The following ACADVL variants were observed in gnomAD, a reference collection of about 807,000 sequenced individuals.
The protein encoded by ACADVL is acyl-CoA dehydrogenase very long chain.
In ACADVL, 73 loss-of-function variants were observed where a neutral mutation model predicts 80.4. The observed-to-expected ratio is 0.91, with a 90% CI of 0.75 to 1.10. The LOEUF (loss-of-function observed/expected upper bound fraction) is 1.10, where lower values mean the gene tolerates loss of function less well. Among genes scored for constraint, ACADVL ranks in the 50% least tolerant of loss-of-function variants. The pLI, the probability that ACADVL is intolerant of heterozygous loss-of-function variation, is 0.00. For missense variants in ACADVL, 878 were observed against 858.9 expected (o/e 1.02, Z -0.28); for synonymous variants, 392 against 326.5 (o/e 1.20, Z -2.16).
At chr17:7,217,208 TC>T, upstream of ACADVL, 1 of 1,256,938 alleles carries the variant, frequency 8.0e-7, no homozygotes, top group South Asian at 3.5e-5. Flanking sequence ...GTTTCGTTCC[TC>T]CCCTCCGTGG....
chr17:7,220,257 C>T, intron 2 of ACADVL, 60 bp downstream of exon 2: 1 of 1,508,924 alleles, frequency 6.6e-7, no homozygotes, highest in Non-Finnish European at 8.9e-7. Context: ...CGGCGCCCGC[C>T]ATCGGCAGGG....
rs1443858679 is a variant in ACADVL at position 7,221,321 on chromosome 17, G to A, written c.478-217G>A. The A allele has an allele frequency of 7.5e-6, 7 of 932,300 alleles. No individual in the cohort carries two copies. The African/African-American group carries it at 8.2e-5, about 11-fold the overall frequency. 57.8% of individuals were successfully genotyped at this position (932,300 alleles called of 1,614,324 possible). A position where few individuals can be genotyped will look rare whatever the true frequency, so the allele number is the denominator to read the frequency against. On this transcript the variant is annotated intron_variant, in intron 6 of 19. Coordinates refer to ENST00000356839, the MANE Select transcript of ACADVL (RefSeq NM_000018.4). ...CTAACAATAGACTGACTAGTAGCAA[G>A]TCACCCTCCTACCTAGACCTAAGAC...
chr17:7,219,630 C>T (rs577538299), upstream of ACADVL: 29 of 1,231,594 alleles, frequency 2.4e-5, no homozygotes, highest in Admixed American at 2.5e-4. Flanking sequence ...CTAACCCCAC[C>T]GGAGAAGCCC....
At chr17:7,221,834 A>G in intron 7 of ACADVL, 118 bp from the exon 8 acceptor site, 1 of 1,592,278 alleles carries the variant, frequency 6.3e-7, no homozygotes, top group Non-Finnish European at 8.6e-7. Flanking sequence ...GGACATGCAA[A>G]AGAACTGGAT....
chr17:7,221,825 G>A, intron 7 of ACADVL, 127 bp from the exon 8 acceptor site: 1 of 1,589,174 alleles, frequency 6.3e-7, no homozygotes, highest in African/African-American at 1.3e-5. Context: ...TGCTGGTTGG[G>A]ACATGCAAAA....
At chr17:7,224,297 A>C (rs2071370565) in intron 15 of ACADVL, 24 bp from the exon 16 acceptor site, 1 of 1,613,656 alleles carries the variant, frequency 6.2e-7, no homozygotes, top group Admixed American at 1.7e-5. Flanking sequence ...GCAACTAACC[A>C]GTCATTCTCC....
upstream of ACADVL, chr17:7,218,539 AC>A: frequency 6.4e-7 from 1 of 1,557,688 alleles, no homozygotes; most frequent in Non-Finnish European, 8.7e-7. Flanking sequence ...CGGGCTACTC[AC>A]CCAGCAAGGC....
intron 6 of ACADVL, 143 bp from the exon 7 acceptor site, chr17:7,221,395 C>T (rs948642794): frequency 9.9e-6 from 14 of 1,413,918 alleles, no homozygotes; most frequent in Non-Finnish European, 1.4e-5. Context: ...TTCTTTTCTA[C>T]ACACTGGGGA....
chr17:7,224,009 C>T lies in ACADVL; in HGVS notation c.1374C>T (p.Phe458=). 6.2e-7 allele frequency: 1 copy of T among 1,614,138 alleles called. No homozygotes were observed. The highest frequency in any genetic ancestry group is 8.5e-7 in the Non-Finnish European group (1 of 1,180,030). ...GTGTGCTCCGAGATCTTCGCATCTT[C>T]CGGATCTTTGAGGGGACAAATGACA... ...VERVLRDLRI[F]RIFEGTNDIL... The change falls in exon 14 of 20, where the codon TTC becomes TTT. Residue 458 remains phenylalanine (F), a synonymous_variant. Coordinates refer to ENST00000356839, the MANE Select transcript of ACADVL (RefSeq NM_000018.4).
At chr17:7,220,075 C>G (rs1168146787) in intron 1 of ACADVL, 29 bp downstream of exon 1, 1 of 1,598,422 alleles carries the variant, frequency 6.3e-7, no homozygotes, top group Non-Finnish European at 8.5e-7. Context: ...GGACGGTGGG[C>G]AGCGGCCCTG....
intron 2 of ACADVL, 89 bp from the exon 3 acceptor site, chr17:7,220,375 G>T: frequency 4.4e-6 from 7 of 1,593,550 alleles, no homozygotes; most frequent in Non-Finnish European, 5.2e-6. Flanking sequence ...TCACCGCTTC[G>T]CGCCGCCTCC....
At chr17:7,217,513 G>T (rs1203533525), upstream of ACADVL, 4 of 256,870 alleles carry the variant, frequency 1.6e-5, no homozygotes, top group Non-Finnish European at 2.2e-5. Context: ...GGTAGGGGGG[G>T]GTCTTGCCAA....
At chr17:7,217,725 T>G, upstream of ACADVL, 1 of 1,531,494 alleles carries the variant, frequency 6.5e-7, no homozygotes, top group Non-Finnish European at 8.7e-7. Flanking sequence ...GGAACCCGGA[T>G]AATGGGAAAG....
At position 7,221,116 on chromosome 17, in the gene ACADVL, C is replaced by T. The variant is rs2071193334; in HGVS notation, c.477+58C>T. On this transcript the variant is annotated intron_variant, in intron 6 of 19. Transcript: ENST00000356839. ...CCATACCCCAGCTTGGCAGACTCAG[C>T]TCTTTTGCCATAGACCTAGAGACTA... 4.3e-6 allele frequency: 7 copies of T among 1,610,464 alleles called. No individual in the cohort carries two copies. The South Asian group carries it at 5.5e-5, about 13-fold the overall frequency.
upstream of ACADVL, chr17:7,217,397 C>T (rs1337726818): frequency 2.0e-5 from 6 of 301,800 alleles, no homozygotes; most frequent in Admixed American, 8.7e-5. Flanking sequence ...GAGCACACCC[C>T]GATTCTCAGG....
chr17:7,221,336 A>T (rs986300365), intron 6 of ACADVL: 3 of 982,640 alleles, frequency 3.1e-6, no homozygotes, highest in Non-Finnish European at 4.6e-6. Context: ...CCTCCTACCT[A>T]GACCTAAGAC....
chr17:7,221,360 C>T, intron 6 of ACADVL, 178 bp from the exon 7 acceptor site: 1 of 1,145,344 alleles, frequency 8.7e-7, no homozygotes, highest in Admixed American at 1.9e-5. Context: ...CCAGCATTCT[C>T]TGCTGTGCCC....
intron 13 of ACADVL, 34 bp downstream of exon 13, chr17:7,223,909 G>A (rs752081737): frequency 1.9e-6 from 3 of 1,613,708 alleles, no homozygotes; most frequent in African/African-American, 1.3e-5. Flanking sequence ...CCTCGGCTGG[G>A]CCAGGGGTGG....
chr17:7,222,325 A>T, intron 9 of ACADVL, 23 bp downstream of exon 9: 3 of 1,611,150 alleles, frequency 1.9e-6, no homozygotes, highest in Non-Finnish European at 2.5e-6. Flanking sequence ...GGGTTGGGGG[A>T]GCTTAGGACT....
Sources: allele counts gnomAD v4.1 joint callset, GRCh38; gene constraint gnomAD v4.1.1; transcripts MANE v1.5; gene names NCBI Gene and HGNC (gene_info 2026-07-23, HGNC 2026-07-21).